Variants in ANKRD36 observed in about 807,000 individuals in gnomAD.
ANKRD36 encodes the protein ankyrin repeat domain-containing protein 36A.
Under a neutral mutation model 278.1 loss-of-function variants are expected in ANKRD36, and 179 were observed. The observed-to-expected ratio is 0.64, with a 90% CI of 0.57 to 0.73. The LOEUF is 0.73. Among genes scored for constraint, ANKRD36 ranks in the 30% least tolerant of loss-of-function variants. ANKRD36 has a pLI of 0.00. For synonymous variants in ANKRD36, 320 were observed against 641.1 expected, an observed-to-expected ratio of 0.50 and a Z score of 7.57; for missense variants, 1,159 against 1,956.7, an observed-to-expected ratio of 0.59 and a Z score of 7.69.
rs1354657161 is a variant in ANKRD36, at chr2:97,195,967, A to T, written c.2552-626A>T. 7.2e-5 allele frequency among the ~76,000 whole-genome samples: 11 copies of T among 152,090 alleles called. No homozygotes were observed. In the East Asian group the frequency reaches 2.0e-3, roughly 27 times the overall value. On this transcript the variant is annotated intron_variant, in intron 40 of 75. Transcript: ENST00000420699. ...GGATGAAGAAACATTTGGAAGGCTA[A>T]ACTAGTGGATACAAGAAACTTAAGC...
chr2:97,158,227 T>C (rs1234799019), intron 16 of ANKRD36, 60 bp downstream of exon 16: 1 of 1,379,726 alleles, frequency 7.2e-7, no homozygotes, highest in African/African-American at 1.6e-5. Context: ...TTCTTTCTTT[T>C]TCTTTCTTAT....
At chr2:97,229,867 T>C (rs2071305980) in intron 67 of ANKRD36, among the ~76,000 whole-genome samples, 1 of 152,108 alleles carries the variant, frequency 6.6e-6, no homozygotes, top group South Asian at 2.1e-4. Flanking sequence ...TGCTTGTCTG[T>C]GAAGTATTTT....
At chr2:97,217,451 G>A in intron 64 of ANKRD36, 79 bp downstream of exon 64, 2 of 1,537,236 alleles carry the variant, frequency 1.3e-6, no homozygotes, top group East Asian at 2.5e-5. Flanking sequence ...GATCAGCAGG[G>A]TGCTCATTGA....
chr2:97,121,479 A>G (rs1336001725), intron 3 of ANKRD36, among the ~76,000 whole-genome samples: 1 of 152,062 alleles, frequency 6.6e-6, no homozygotes, highest in Admixed American at 6.6e-5. Flanking sequence ...TCTCTACTAC[A>G]AATACAAAAA....
intron 52 of ANKRD36, among the ~76,000 whole-genome samples, chr2:97,206,759 T>G (rs1011086306): frequency 6.6e-6 from 1 of 151,516 alleles, no homozygotes; most frequent in Non-Finnish European, 1.5e-5. Context: ...AATCCTAGAA[T>G]TGGCATAAAA....
chr2:97,216,564 A>G (rs1234851809), intron 62 of ANKRD36: 1 of 174,908 alleles, frequency 5.7e-6, no homozygotes, highest in Non-Finnish European at 1.2e-5. Context: ...GAGTGGATAC[A>G]AGAAACTTAG....
intron 50 of ANKRD36, among the ~76,000 whole-genome samples, chr2:97,205,198 G>A (rs1362482027): frequency 6.6e-6 from 1 of 151,674 alleles, no homozygotes; most frequent in East Asian, 1.9e-4. Context: ...TCTAATGGTT[G>A]TGGCAGTTTT....
intron 67 of ANKRD36, among the ~76,000 whole-genome samples, chr2:97,232,152 AT>A: frequency 6.6e-6 from 1 of 152,082 alleles, no homozygotes; most frequent in Non-Finnish European, 1.5e-5. Context: ...TTAAACTTTA[AT>A]TATTTTAAAA....
chr2:97,191,318 A>C, intron 36 of ANKRD36, 137 bp downstream of exon 36: 2 of 1,106,406 alleles, frequency 1.8e-6, no homozygotes, highest in South Asian at 1.7e-5. Flanking sequence ...ATTTGCAGTA[A>C]GTTCTTGGGT....
At chr2:97,214,219 C>T (rs1409895501) in intron 60 of ANKRD36, among the ~76,000 whole-genome samples, 7 of 136,582 alleles carry the variant, frequency 5.1e-5, no homozygotes, top group African/African-American at 2.1e-4. Flanking sequence ...GCTGGAACTA[C>T]TGGGTGCAGG....
At chr2:97,197,015 T>C (rs1451750547) in intron 42 of ANKRD36, among the ~76,000 whole-genome samples, 6 of 151,882 alleles carry the variant, frequency 4.0e-5, no homozygotes, top group Admixed American at 3.9e-4. Context: ...GAAGAAGATA[T>C]ATGGAGAGCA....
At position 97,179,937 on chromosome 2, in the gene ANKRD36, A is replaced by C. The variant is rs564406765; in HGVS notation, c.1735+4A>C. 71 of 1,604,786 alleles carry C rather than the reference A, an allele frequency of 4.4e-5. No homozygotes were observed. The highest frequency in any genetic ancestry group is 5.9e-5 in the Non-Finnish European group (70 of 1,178,130). On this transcript the variant is annotated splice_donor_region_variant and intron_variant, in intron 24 of 75. Coordinates refer to ENST00000420699, the MANE Select transcript of ANKRD36 (RefSeq NM_001354587.1). ...GAGGGACCAATATCTGGGACAGGTA[A>C]TTTTGCAAAACACATCTAATGTCAT...
intron 22 of ANKRD36, among the ~76,000 whole-genome samples, chr2:97,170,820 C>T (rs1176638576): frequency 6.6e-6 from 1 of 151,356 alleles, no homozygotes; most frequent in Non-Finnish European, 1.5e-5. Flanking sequence ...GGGCTAATAT[C>T]CAGAATCTAC....
chr2:97,176,323 A>G (rs930436184), intron 22 of ANKRD36, among the ~76,000 whole-genome samples: 15 of 148,642 alleles, frequency 1.0e-4, no homozygotes, highest in African/African-American at 3.6e-4. Flanking sequence ...TTGGGTGCAT[A>G]TATATTTAGG....
chr2:97,176,204 G>A (rs1298752284), intron 22 of ANKRD36, among the ~76,000 whole-genome samples: 2 of 151,810 alleles, frequency 1.3e-5, no homozygotes, highest in African/African-American at 4.8e-5. Flanking sequence ...TTGTTGATCT[G>A]TCCAATGTTG....
chr2:97,250,547 A>G (rs2075845813), intron 75 of ANKRD36, among the ~76,000 whole-genome samples: 1 of 118,234 alleles, frequency 8.5e-6, no homozygotes, highest in African/African-American at 5.2e-5. Flanking sequence ...AACAGACCCC[A>G]CACTCATGTG....
At position 97,128,538 on chromosome 2, in the gene ANKRD36, A is replaced by G. The variant is rs187544767; in HGVS notation, c.799+1404A>G. ...CCATTTTTGAGGTGTAATGTGGGCTATTGATGTGATTGGTATGTCTGTTGT... is the reference window on the plus strand; with the variant it reads ...CCATTTTTGAGGTGTAATGTGGGCTGTTGATGTGATTGGTATGTCTGTTGT... On this transcript the variant is annotated intron_variant, in intron 6 of 75. Coordinates refer to ENST00000420699, the MANE Select transcript of ANKRD36 (RefSeq NM_001354587.1). Among the ~76,000 whole-genome samples the G allele has an allele frequency of 2.4e-3, 368 of 152,008 alleles. 2 individuals carry two copies. Among genetic ancestry groups the G allele is most frequent in the African/African-American group, 8.5e-3 (355 of 41,522 alleles).
At chr2:97,213,961 G>A (rs903055184) in intron 60 of ANKRD36, among the ~76,000 whole-genome samples, 11 of 151,692 alleles carry the variant, frequency 7.3e-5, no homozygotes, top group African/African-American at 2.2e-4. Context: ...TTTTACAGAC[G>A]TCACATCATA....
rs545934790 is a variant in ANKRD36, at chr2:97,142,977, G to A, written c.901+142G>A. The A allele has an allele frequency of 2.6e-5, 26 of 982,024 alleles. No individual in the cohort carries two copies. In the East Asian group the frequency reaches 4.5e-4, roughly 17 times the overall value. The allele number at this position is 982,024 out of a possible 1,614,324, so 60.8% of individuals were successfully genotyped here. A position where few individuals can be genotyped will look rare whatever the true frequency, so the allele number is the denominator to read the frequency against. On this transcript the variant is annotated intron_variant, in intron 8 of 75. Coordinates refer to ENST00000420699, the MANE Select transcript of ANKRD36 (RefSeq NM_001354587.1). The stretch of plus-strand genomic sequence containing the variant: ...GATTCTGCTTTTGTGATAAGTTCTC[G>A]GGTGACGCCGATGCTACTGGTCCTT...
Sources: allele counts gnomAD v4.1 joint callset (sites outside exome capture counted in the v4.1 genomes callset), GRCh38; gene constraint gnomAD v4.1.1; transcripts MANE v1.5; gene names NCBI Gene and HGNC (gene_info 2026-07-23, HGNC 2026-07-21).